Variants in ANKRD44 observed in about 807,000 individuals in gnomAD.
The protein encoded by ANKRD44 is ankyrin repeat domain 44.
Under a neutral mutation model 116.0 loss-of-function variants are expected in ANKRD44, and 35 were observed. The observed-to-expected ratio is 0.30, with a 90% CI of 0.23 to 0.40. The LOEUF (loss-of-function observed/expected upper bound fraction) is 0.40. Ranked by LOEUF, ANKRD44 falls within the 10% of genes least tolerant of loss-of-function variation. ANKRD44 has a pLI of 1.00. For missense variants in ANKRD44, 1,014 were observed against 1,242.6 expected (o/e 0.82, Z 2.77); for synonymous variants, 435 against 461.8 (o/e 0.94, Z 0.74).
chr2:197,110,815 C>T lies in ANKRD44; in HGVS notation c.936G>A (p.Met312Ile). Residue 312 changes from methionine (M) to isoleucine (I), a missense_variant, in exon 9 of 28, where the codon ATG becomes ATA. Transcript: ENST00000282272. ...GTGTGAACCTTCCATGGACAGCTGT[C>T]ATGTGCAGTGGACTTTTGCCATCTT... ...QSKDGKSPLH[M>I]TAVHGRFTRS... 6.2e-7 allele frequency: 1 copy of T among 1,613,982 alleles called. No homozygotes were observed. Among genetic ancestry groups the T allele is most frequent in the Non-Finnish European group, 8.5e-7 (1 of 1,179,968 alleles).
At chr2:197,256,047 G>A (rs1451304337) in intron 1 of ANKRD44, among the ~76,000 whole-genome samples, 1 of 152,214 alleles carries the variant, frequency 6.6e-6, no homozygotes, top group Admixed American at 6.5e-5. Context: ...AACAGGGGCT[G>A]TCTTTTGTAT....
At chr2:197,030,123 T>C (rs2076676219) in intron 16 of ANKRD44, 1 of 153,630 alleles carries the variant, frequency 6.5e-6, no homozygotes, top group African/African-American at 2.4e-5. Context: ...ATGGCATGTG[T>C]TCATCCACTG....
At chr2:197,273,980 A>AATATAT (rs1164251927) in intron 1 of ANKRD44, among the ~76,000 whole-genome samples, 39 of 43,884 alleles carry the variant, frequency 8.9e-4, no homozygotes, top group African/African-American at 3.2e-3. Flanking sequence ...AAAAAAAAAA[A>AATATAT]ATATATATAT....
Position 196,988,459 on chromosome 2 carries a change from T to C in ANKRD44, c.*1132A>G. On this transcript the variant is annotated 3_prime_UTR_variant, in exon 28 of 28. Coordinates refer to ENST00000282272, the MANE Select transcript of ANKRD44 (RefSeq NM_001195144.2). ...AAAACAATGGTGGTGGTGTGGAAAA[T>C]TTTCAGTGAAATCAATACCAGTTCA... 1.0e-6 allele frequency: 1 copy of C among 985,290 alleles called. No homozygotes were observed. Among genetic ancestry groups the C allele is most frequent in the Non-Finnish European group, 1.2e-6 (1 of 829,868 alleles). 61.0% of individuals were successfully genotyped at this position (985,290 alleles called of 1,614,324 possible).
rs539214949 is a variant in ANKRD44 at position 197,060,152 on chromosome 2, CAGAG to C, written c.1650+18547_1650+18550del. ...GAATAATAGAAATACAGAATTCTAA[CAGAG>C]CAACTACTGTATCTTGTCATAGTTA... On this transcript the variant is annotated intron_variant, in intron 16 of 27. Coordinates refer to ENST00000282272, the MANE Select transcript of ANKRD44 (RefSeq NM_001195144.2). 5.4e-3 allele frequency among the ~76,000 whole-genome samples: 825 copies of C among 152,244 alleles called. 4 individuals are homozygous for C. The highest frequency in any genetic ancestry group is 8.8e-3 in the Non-Finnish European group (596 of 68,002).
intron 1 of ANKRD44, among the ~76,000 whole-genome samples, chr2:197,300,741 T>A (rs1459029580): frequency 6.8e-6 from 1 of 147,504 alleles, no homozygotes; most frequent in African/African-American, 2.5e-5. Flanking sequence ...TTACTCGACC[T>A]CTCAGTTTTC....
intron 1 of ANKRD44, among the ~76,000 whole-genome samples, chr2:197,295,936 T>C (rs2083709078): frequency 6.6e-6 from 1 of 151,876 alleles, no homozygotes; most frequent in Non-Finnish European, 1.5e-5. Flanking sequence ...ATGCCTGTAG[T>C]CCCAGCTACT....
intron 24 of ANKRD44, 143 bp downstream of exon 24, chr2:196,998,764 C>G (rs1050931887): frequency 9.0e-7 from 1 of 1,115,702 alleles, no homozygotes; most frequent in African/African-American, 1.6e-5. Flanking sequence ...GACGCTTGAG[C>G]AGGTAGAATC....
At chr2:197,296,020 G>A (rs1343275524) in intron 1 of ANKRD44, among the ~76,000 whole-genome samples, 1 of 152,092 alleles carries the variant, frequency 6.6e-6, no homozygotes, top group Non-Finnish European at 1.5e-5. Context: ...CTCCAGCCTA[G>A]GTGGCAGATT....
At chr2:197,073,211 T>C (rs1310682749) in intron 16 of ANKRD44, among the ~76,000 whole-genome samples, 1 of 152,180 alleles carries the variant, frequency 6.6e-6, no homozygotes, top group Admixed American at 6.5e-5. Context: ...CAGTGATGTC[T>C]TCTGACCAGG....
At chr2:197,006,936 C>T (rs2076212538) in intron 20 of ANKRD44, among the ~76,000 whole-genome samples, 1 of 152,122 alleles carries the variant, frequency 6.6e-6, no homozygotes, top group South Asian at 2.1e-4. Flanking sequence ...AAAACCCCAT[C>T]TCAACAGAAA....
chr2:197,022,692 T>C (rs2076520303), intron 17 of ANKRD44, among the ~76,000 whole-genome samples: 1 of 152,158 alleles, frequency 6.6e-6, no homozygotes, highest in Admixed American at 6.5e-5. Context: ...AATATGAGAT[T>C]CTATGCTACG....
intron 3 of ANKRD44, among the ~76,000 whole-genome samples, chr2:197,138,635 C>G (rs901415202): frequency 3.9e-5 from 6 of 152,158 alleles, no homozygotes; most frequent in African/African-American, 1.2e-4. Flanking sequence ...AAATTACCCG[C>G]CTTTACGTCA....
chr2:197,076,097 A>G (rs985038192), intron 16 of ANKRD44, among the ~76,000 whole-genome samples: 1 of 152,196 alleles, frequency 6.6e-6, no homozygotes, highest in Non-Finnish European at 1.5e-5. Flanking sequence ...TCCACAGGCC[A>G]GAAGCATAGG....
At chr2:196,990,554 C>T in intron 27 of ANKRD44, 1 of 1,229,986 alleles carries the variant, frequency 8.1e-7, no homozygotes, top group Non-Finnish European at 1.0e-6. Context: ...TCGATTAATT[C>T]CTTCTCTACT....
chr2:197,273,976 AAAAAATATATATAT>A (rs2082982607), intron 1 of ANKRD44, among the ~76,000 whole-genome samples: 2 of 53,472 alleles, frequency 3.7e-5, no homozygotes, highest in Non-Finnish European at 3.6e-5. Context: ...AAAAAAAAAA[AAAAAATATATATAT>A]ATATATATAT....
At chr2:197,112,237 G>A (rs564424726) in intron 8 of ANKRD44, among the ~76,000 whole-genome samples, 31 of 152,282 alleles carry the variant, frequency 2.0e-4, no homozygotes, top group African/African-American at 7.0e-4. Flanking sequence ...CTAAGTCTGA[G>A]ATTAAAATAC....
At chr2:197,075,785 C>T (rs1168077877) in intron 16 of ANKRD44, among the ~76,000 whole-genome samples, 1 of 152,120 alleles carries the variant, frequency 6.6e-6, no homozygotes, top group Non-Finnish European at 1.5e-5. Flanking sequence ...TCCATGCTTA[C>T]GATCACAGAC....
At chr2:197,060,774 T>C (rs1447081934) in intron 16 of ANKRD44, among the ~76,000 whole-genome samples, 1 of 152,210 alleles carries the variant, frequency 6.6e-6, no homozygotes, top group Non-Finnish European at 1.5e-5. Context: ...TAAAGTCAGT[T>C]CATGCAGTAT....
Sources: allele counts gnomAD v4.1 joint callset (sites outside exome capture counted in the v4.1 genomes callset), GRCh38; gene constraint gnomAD v4.1.1; transcripts MANE v1.5; gene names NCBI Gene and HGNC (gene_info 2026-07-23, HGNC 2026-07-21).